The following ME3 variants were observed in gnomAD, a reference collection of about 807,000 sequenced individuals.
ME3 encodes the protein NADP-dependent malic enzyme, mitochondrial.
ME3 carries 48 observed loss-of-function variants against 68.9 expected under a neutral mutation model. That is an observed-to-expected ratio of 0.70 (90% confidence interval 0.55 to 0.89). The LOEUF (loss-of-function observed/expected upper bound fraction) is 0.89. Ranked by LOEUF, ME3 falls within the 40% of genes least tolerant of loss-of-function variation. The pLI is 0.00. For synonymous variants in ME3, 320 were observed against 318.8 expected (o/e 1.00, Z -0.04); for missense variants, 675 against 797.4 (o/e 0.85, Z 1.85).
At chr11:86,645,932 A>C (rs949573712) in intron 2 of ME3, among the ~76,000 whole-genome samples, 4 of 152,204 alleles carry the variant, frequency 2.6e-5, no homozygotes, top group Non-Finnish European at 5.9e-5. Flanking sequence ...GACCTCCAGC[A>C]AACTCCAGCA....
intron 6 of ME3, among the ~76,000 whole-genome samples, chr11:86,492,730 G>A (rs1338184532): frequency 6.6e-6 from 1 of 152,224 alleles, no homozygotes; most frequent in African/African-American, 2.4e-5. Flanking sequence ...TGTTTGCCCA[G>A]CTCTGCCTCC....
chr11:86,507,284 C>T (rs1423856034), intron 5 of ME3, among the ~76,000 whole-genome samples: 1 of 152,194 alleles, frequency 6.6e-6, no homozygotes, highest in Non-Finnish European at 1.5e-5. Context: ...AGTGTACTGT[C>T]ACTGTTTCTG....
At chr11:86,518,848 T>C (rs1954068918) in intron 4 of ME3, among the ~76,000 whole-genome samples, 1 of 152,138 alleles carries the variant, frequency 6.6e-6, no homozygotes, top group African/African-American at 2.4e-5. Context: ...GACAGGGACA[T>C]GCAGGAAGAA....
chr11:86,546,455 A>T (rs1956363587), intron 4 of ME3, among the ~76,000 whole-genome samples: 1 of 152,248 alleles, frequency 6.6e-6, no homozygotes, highest in Admixed American at 6.5e-5. Context: ...TAAAGAACTT[A>T]AACAAATTTA....
intron 5 of ME3, among the ~76,000 whole-genome samples, chr11:86,505,898 G>T (rs770506221): frequency 6.6e-6 from 1 of 152,162 alleles, no homozygotes; most frequent in Non-Finnish European, 1.5e-5. Context: ...TGTACTCTGC[G>T]GTACCACAGG....
intron 4 of ME3, among the ~76,000 whole-genome samples, chr11:86,538,259 T>C (rs1428243143): frequency 6.6e-6 from 1 of 152,188 alleles, no homozygotes. Flanking sequence ...GACGTTGGAA[T>C]AGAATAGATT....
intron 4 of ME3, among the ~76,000 whole-genome samples, chr11:86,512,210 C>T (rs920593034): frequency 5.3e-5 from 8 of 152,196 alleles, no homozygotes; most frequent in African/African-American, 1.2e-4. Flanking sequence ...CTGCCTAATA[C>T]GCATGCTTCT....
At position 86,560,499 on chromosome 11, in the gene ME3, G is replaced by GA. The variant is rs1446963611; in HGVS notation, c.184-677dup. Among the ~76,000 whole-genome samples the GA allele has an allele frequency of 3.9e-5, 6 of 151,992 alleles. No homozygotes were observed. In the East Asian group the frequency reaches 1.2e-3, roughly 30 times the overall value. On this transcript the variant is annotated intron_variant, in intron 2 of 14. Coordinates refer to ENST00000543262, the Ensembl canonical transcript of ME3. ...CGGACTAATACAAACAGTATTTACAGAAAAACTGAGAAGACAGTAGAGTTC... is the reference window on the plus strand; with the variant it reads ...CGGACTAATACAAACAGTATTTACAGAAAAAACTGAGAAGACAGTAGAGTTC...
At chr11:86,520,511 A>C (rs995647138) in intron 4 of ME3, among the ~76,000 whole-genome samples, 2 of 151,908 alleles carry the variant, frequency 1.3e-5, no homozygotes, top group Non-Finnish European at 2.9e-5. Context: ...TTGAAGACCA[A>C]CGAGAATTAG....
intron 2 of ME3, among the ~76,000 whole-genome samples, chr11:86,597,648 A>G (rs1959743393): frequency 6.6e-6 from 1 of 152,200 alleles, no homozygotes; most frequent in Admixed American, 6.5e-5. Context: ...AAGAAAGTAT[A>G]TCTTGCTACT....
intron 4 of ME3, among the ~76,000 whole-genome samples, chr11:86,519,779 G>A (rs1441291054): frequency 6.6e-6 from 1 of 152,228 alleles, no homozygotes; most frequent in Non-Finnish European, 1.5e-5. Flanking sequence ...AGCCCAGGAA[G>A]CAGATCTAAG....
intron 4 of ME3, among the ~76,000 whole-genome samples, chr11:86,516,389 A>G (rs1444173340): frequency 1.3e-5 from 2 of 151,948 alleles, no homozygotes; most frequent in East Asian, 3.9e-4. Flanking sequence ...GTGTGTATAT[A>G]TATATATATG....
chr11:86,555,453 G>GT (rs1956879991), intron 4 of ME3, among the ~76,000 whole-genome samples: 1 of 152,194 alleles, frequency 6.6e-6, no homozygotes, highest in African/African-American at 2.4e-5. Context: ...CAAGAAGCAT[G>GT]TTGAAGACCA....
chr11:86,513,966 A>T (rs1266532825), intron 4 of ME3, among the ~76,000 whole-genome samples: 2 of 152,104 alleles, frequency 1.3e-5, no homozygotes, highest in East Asian at 3.9e-4. Flanking sequence ...CCCAAATCTC[A>T]TCTTGAATTG....
intron 2 of ME3, among the ~76,000 whole-genome samples, chr11:86,659,372 G>A (rs1373123835): frequency 6.6e-6 from 1 of 152,206 alleles, no homozygotes; most frequent in Non-Finnish European, 1.5e-5. Context: ...ATGGTAGGTA[G>A]AAGAGACAGA....
chr11:86,508,708 C>T, intron 5 of ME3, 84 bp downstream of exon 5: 1 of 1,316,692 alleles, frequency 7.6e-7, no homozygotes, highest in Non-Finnish European at 1.1e-6. Flanking sequence ...CATAATGGCT[C>T]ATTTTATAGA....
intron 2 of ME3, among the ~76,000 whole-genome samples, chr11:86,645,045 T>C (rs1026453130): frequency 3.3e-5 from 5 of 152,224 alleles, no homozygotes; most frequent in Non-Finnish European, 7.3e-5. Context: ...ACTACGCTTT[T>C]CCCACTGTCT....
Position 86,560,726 on chromosome 11 carries a change from A to ATG in ME3, c.184-905_184-904dup, listed in dbSNP as rs763026313. Among the ~76,000 whole-genome samples the ATG allele has an allele frequency of 2.4e-3, 253 of 105,968 alleles. 6 individuals carry two copies. Among genetic ancestry groups the ATG allele is most frequent in the East Asian group, 0.012 (36 of 2,986 alleles). 69.5% of individuals were successfully genotyped at this position (105,968 alleles called of 152,430 possible). On this transcript the variant is annotated intron_variant, in intron 2 of 14. Coordinates refer to ENST00000543262, the Ensembl canonical transcript of ME3. Reference sequence around the variant, plus strand: ...GATATGTGTGTGTGTGTGTGTGTGTATGTGTGTGTGTGTGTGTGTGTGTAT... The same window carrying ATG: ...GATATGTGTGTGTGTGTGTGTGTGTATGTGTGTGTGTGTGTGTGTGTGTGTAT...
chr11:86,590,839 A>C (rs1293881154), intron 2 of ME3, among the ~76,000 whole-genome samples: 1 of 152,228 alleles, frequency 6.6e-6, no homozygotes, highest in Non-Finnish European at 1.5e-5. Context: ...GGATTGTTCC[A>C]ATTTTCCCTT....
Sources: gnomAD v4.1 joint callset for allele counts (sites outside exome capture counted in the v4.1 genomes callset) on GRCh38, gnomAD v4.1.1 for gene constraint, MANE v1.5 for transcripts, NCBI Gene and HGNC (gene_info 2026-07-23, HGNC 2026-07-21) for gene names.